MCOLN2: variants seen among roughly 807,000 people sequenced by gnomAD.
The protein encoded by MCOLN2 is mucolipin TRP cation channel 2.
In MCOLN2, 57 loss-of-function variants were observed where a neutral mutation model predicts 67.5. The observed-to-expected ratio is 0.84, with a 90% CI of 0.68 to 1.05. The LOEUF (loss-of-function observed/expected upper bound fraction) is 1.05, where lower values mean the gene tolerates loss of function less well. MCOLN2 is among the 50% of genes least tolerant of loss of function. The probability of loss-of-function intolerance (pLI) is 0.00; values close to 1 mark genes in which losing one functional copy is unlikely to be tolerated. For missense variants in MCOLN2, 620 were observed against 678.8 expected (o/e 0.91, Z 0.96); for synonymous variants, 246 against 233.3 (o/e 1.05, Z -0.50).
At chr1:84,959,142 G>T (rs1432902511) in intron 2 of MCOLN2, among the ~76,000 whole-genome samples, 4 of 152,174 alleles carry the variant, frequency 2.6e-5, no homozygotes, top group South Asian at 2.1e-4. Context: ...GCTTTTAAAA[G>T]TGTTTTTTGA....
chr1:84,991,400 C>T lies in MCOLN2; in HGVS notation c.77+5396G>A, dbSNP rs1056558274. 8.5e-5 allele frequency among the ~76,000 whole-genome samples: 13 copies of T among 152,260 alleles called. No individual in the cohort carries two copies. In the East Asian group the frequency reaches 9.7e-4, roughly 11 times the overall value. On this transcript the variant is annotated intron_variant, in intron 1 of 13. Coordinates refer to ENST00000370608, the MANE Select transcript of MCOLN2 (RefSeq NM_153259.4). ...AATTCCTACGATGAACAAATTTTCT[C>T]GTGATCTGCTAGTCTCACAAGAGAG...
At chr1:84,946,280 C>T (rs901552680) in intron 7 of MCOLN2, among the ~76,000 whole-genome samples, 1 of 152,120 alleles carries the variant, frequency 6.6e-6, no homozygotes, top group Non-Finnish European at 1.5e-5. Context: ...TATGTATACC[C>T]TTATTTCTCT....
At chr1:84,940,489 T>C (rs977165435) in intron 8 of MCOLN2, among the ~76,000 whole-genome samples, 1 of 152,222 alleles carries the variant, frequency 6.6e-6, no homozygotes, top group East Asian at 1.9e-4. Flanking sequence ...CCATTTACCA[T>C]GCCTCCCTGT....
chr1:84,930,716 G>A (rs1011120599), intron 12 of MCOLN2, among the ~76,000 whole-genome samples: 1 of 152,130 alleles, frequency 6.6e-6, no homozygotes, highest in African/African-American at 2.4e-5. Context: ...CCTGACAAAG[G>A]CACTGGCATG....
intron 7 of MCOLN2, among the ~76,000 whole-genome samples, chr1:84,943,141 T>C (rs772599417): frequency 1.1e-4 from 17 of 152,102 alleles, no homozygotes; most frequent in Non-Finnish European, 2.5e-4. Flanking sequence ...CACTGAATAA[T>C]CTAAGTTAGA....
In MCOLN2 at chr1:84,958,522, C is replaced by T. The variant is rs200687494; in HGVS notation, c.411+7G>A. 3 of 1,597,626 alleles carry T rather than the reference C, an allele frequency of 1.9e-6. No homozygotes were observed. The highest frequency in any genetic ancestry group is 2.7e-5 in the African/African-American group (2 of 74,238). ...AAAGTATAGGTCATTCACAACAAAA[C>T]ACTTGCCTGATTAATAGCAAAAAAG... On this transcript the variant is annotated splice_region_variant and intron_variant, in intron 3 of 13. Transcript: ENST00000370608.
chr1:84,966,530 T>C (rs1366340693), intron 1 of MCOLN2, among the ~76,000 whole-genome samples: 3 of 152,186 alleles, frequency 2.0e-5, no homozygotes, highest in African/African-American at 7.2e-5. Context: ...ATTAGATTGT[T>C]ATGGAAGAAG....
intron 7 of MCOLN2, among the ~76,000 whole-genome samples, chr1:84,941,854 G>A (rs1212559977): frequency 6.6e-6 from 1 of 152,174 alleles, no homozygotes; most frequent in Non-Finnish European, 1.5e-5. Flanking sequence ...GAGGGGAGTG[G>A]TAATCAGATT....
intron 11 of MCOLN2, among the ~76,000 whole-genome samples, chr1:84,933,296 C>G (rs17117593): frequency 6.6e-6 from 1 of 152,030 alleles, no homozygotes; most frequent in Non-Finnish European, 1.5e-5. Flanking sequence ...ATACAAACAC[C>G]GTGCCTTACA....
chr1:84,982,505 T>C (rs150343870), intron 1 of MCOLN2, among the ~76,000 whole-genome samples: 1 of 152,226 alleles, frequency 6.6e-6, no homozygotes, highest in Non-Finnish European at 1.5e-5. Context: ...TGTTTCATAA[T>C]ATACATATGG....
At chr1:84,979,184 T>G (rs2102876141) in intron 1 of MCOLN2, among the ~76,000 whole-genome samples, 1 of 152,284 alleles carries the variant, frequency 6.6e-6, no homozygotes, top group Admixed American at 6.5e-5. Context: ...TTTGTATCCT[T>G]CAATCCAATC....
chr1:84,948,463 A>G (rs1291860232), intron 6 of MCOLN2, among the ~76,000 whole-genome samples: 1 of 152,218 alleles, frequency 6.6e-6, no homozygotes, highest in Non-Finnish European at 1.5e-5. Flanking sequence ...AAGCTATTCC[A>G]TAAAATTGGA....
At position 84,987,679 on chromosome 1, in the gene MCOLN2, T is replaced by A. The variant is rs148007752; in HGVS notation, c.77+9117A>T. Among the ~76,000 whole-genome samples the A allele has an allele frequency of 8.8e-3, 985 of 112,058 alleles. 17 individuals are homozygous for A. The highest frequency in any genetic ancestry group is 0.029 in the African/African-American group (917 of 31,622). The allele number at this position is 112,058 out of a possible 152,430, so 73.5% of individuals were successfully genotyped here. ...ATACATATGTATATATGTATATAGA[T>A]ATATAGATGTATAGATGTATATAGA... On this transcript the variant is annotated intron_variant, in intron 1 of 13. Transcript: ENST00000370608.
intron 11 of MCOLN2, among the ~76,000 whole-genome samples, chr1:84,934,899 T>G (rs963544089): frequency 6.6e-6 from 1 of 152,164 alleles, no homozygotes; most frequent in African/African-American, 2.4e-5. Flanking sequence ...TGAAATCAGA[T>G]GCCTAACAGG....
At chr1:84,954,844 C>G (rs1326192065) in intron 4 of MCOLN2, among the ~76,000 whole-genome samples, 1 of 152,188 alleles carries the variant, frequency 6.6e-6, no homozygotes, top group African/African-American at 2.4e-5. Context: ...AGCTCACATT[C>G]TAGTGGGGGA....
intron 1 of MCOLN2, among the ~76,000 whole-genome samples, chr1:84,996,213 C>T (rs1651138489): frequency 1.3e-5 from 2 of 151,984 alleles, no homozygotes; most frequent in Non-Finnish European, 2.9e-5. Context: ...GGGAGAACTA[C>T]GTAGTTGGTT....
intron 1 of MCOLN2, among the ~76,000 whole-genome samples, chr1:84,969,047 G>A (rs1271737205): frequency 1.3e-5 from 2 of 152,230 alleles, no homozygotes; most frequent in Non-Finnish European, 2.9e-5. Context: ...GGTTGGGAGA[G>A]CTTCCGGAAC....
chr1:84,987,370 ATATT>A (rs1325910477), intron 1 of MCOLN2, among the ~76,000 whole-genome samples: 1 of 142,680 alleles, frequency 7.0e-6, no homozygotes, highest in Non-Finnish European at 1.5e-5. Flanking sequence ...ATATATCCAT[ATATT>A]TATATAGATA....
At chr1:84,992,135 G>A (rs368239441) in intron 1 of MCOLN2, among the ~76,000 whole-genome samples, 3 of 152,204 alleles carry the variant, frequency 2.0e-5, no homozygotes, top group African/African-American at 7.2e-5. Flanking sequence ...AATCCCTGTA[G>A]TTGGCATAAG....
Sources: gnomAD v4.1 joint callset for allele counts (sites outside exome capture counted in the v4.1 genomes callset) on GRCh38, gnomAD v4.1.1 for gene constraint, MANE v1.5 for transcripts, NCBI Gene and HGNC (gene_info 2026-07-23, HGNC 2026-07-21) for gene names.